RBM25: variants seen among roughly 807,000 people sequenced by gnomAD.
RBM25 encodes the protein RNA binding motif protein 25, also known as RNA-binding protein 25.
In RBM25, 19 loss-of-function variants were observed where a neutral mutation model predicts 120.7. The observed-to-expected ratio is 0.16, with a 90% CI of 0.11 to 0.23. The LOEUF (loss-of-function observed/expected upper bound fraction) is 0.23, where lower values mean the gene tolerates loss of function less well. Among genes scored for constraint, RBM25 ranks in the 10% least tolerant of loss-of-function variants. RBM25 has a pLI of 1.00. For synonymous variants in RBM25, 390 were observed against 326.7 expected (o/e 1.19, Z -2.09); for missense variants, 605 against 1,041.5 (o/e 0.58, Z 5.77).
At chr14:73,081,820 C>A (rs1180166044) in intron 4 of RBM25, among the ~76,000 whole-genome samples, 1 of 152,236 alleles carries the variant, frequency 6.6e-6, no homozygotes, top group Non-Finnish European at 1.5e-5. Flanking sequence ...CCGCATCATT[C>A]TGAATGCTCT....
At chr14:73,087,050 A>G (rs1895702584) in intron 5 of RBM25, among the ~76,000 whole-genome samples, 1 of 9,558 alleles carries the variant, frequency 1.0e-4, no homozygotes, top group Non-Finnish European at 1.7e-4. Context: ...TTTATGGTAT[A>G]TCACACTGAA....
At chr14:73,109,705 A>G (rs1896266593) in intron 14 of RBM25, among the ~76,000 whole-genome samples, 1 of 151,910 alleles carries the variant, frequency 6.6e-6, no homozygotes, top group Admixed American at 6.5e-5. Context: ...AGGCAGGAGA[A>G]TGGCGTGAAC....
intron 10 of RBM25, among the ~76,000 whole-genome samples, chr14:73,104,942 T>TA (rs1896148077): frequency 6.6e-6 from 1 of 151,962 alleles, no homozygotes; most frequent in Non-Finnish European, 1.5e-5. Flanking sequence ...CCATTCCTGA[T>TA]ACAGTCATTG....
chr14:73,103,981 C>G (rs1297172937), intron 10 of RBM25, among the ~76,000 whole-genome samples: 1 of 148,448 alleles, frequency 6.7e-6, no homozygotes, highest in Non-Finnish European at 1.5e-5. Context: ...CACACACACA[C>G]ACACACACAC....
At chr14:73,071,288 C>T (rs1180980499) in intron 1 of RBM25, among the ~76,000 whole-genome samples, 1 of 151,054 alleles carries the variant, frequency 6.6e-6, no homozygotes, top group Admixed American at 6.6e-5. Context: ...CTATTAGATA[C>T]CCATCTGAAT....
chr14:73,115,153 CGTGTGTGTGTGTGTGTGTGT>C (rs33924709), intron 18 of RBM25, among the ~76,000 whole-genome samples: 1 of 146,678 alleles, frequency 6.8e-6, no homozygotes, highest in East Asian at 2.0e-4. Flanking sequence ...GGAACTGATA[CGTGTGTGTGTGTGTGTGTGT>C]GTGTGTGTGT....
chr14:73,093,848 A>T (rs1466411426), intron 6 of RBM25, among the ~76,000 whole-genome samples: 5 of 151,666 alleles, frequency 3.3e-5, no homozygotes, highest in African/African-American at 1.2e-4. Context: ...GAAATCAGAA[A>T]ATCGTGTATA....
intron 14 of RBM25, 98 bp from the exon 15 acceptor site, chr14:73,110,733 C>T: frequency 6.9e-7 from 1 of 1,444,164 alleles, no homozygotes; most frequent in Non-Finnish European, 9.2e-7. Flanking sequence ...CTGGCCTTTT[C>T]TCTTTTCATA....
At chr14:73,083,611 A>G in intron 5 of RBM25, 60 bp downstream of exon 5, 1 of 1,167,300 alleles carries the variant, frequency 8.6e-7, no homozygotes, top group East Asian at 2.7e-5. Context: ...TGCTTAAATC[A>G]CTTTGCATGA....
chr14:73,082,592 T>G (rs1895588627), intron 4 of RBM25, among the ~76,000 whole-genome samples: 1 of 152,212 alleles, frequency 6.6e-6, no homozygotes, highest in Non-Finnish European at 1.5e-5. Context: ...CTCGCTGCTT[T>G]TATTTTTAAA....
chr14:73,082,907 TAA>T (rs34875952), intron 4 of RBM25, among the ~76,000 whole-genome samples: 2 of 137,806 alleles, frequency 1.5e-5, no homozygotes, highest in Non-Finnish European at 1.6e-5. Context: ...TAAAAATAAA[TAA>T]AAAAAAAAAA....
intron 1 of RBM25, among the ~76,000 whole-genome samples, chr14:73,064,135 C>T (rs1258985773): frequency 6.6e-6 from 1 of 151,468 alleles, no homozygotes; most frequent in Non-Finnish European, 1.5e-5. Context: ...TAAACTACTC[C>T]ATAGCTCTCT....
chr14:73,083,343 T>G lies in RBM25; in HGVS notation c.325-151T>G, dbSNP rs191978199. Reference sequence around the variant, plus strand: ...TGTTCATTTCTTTCATGTGATAAGTTTGTGGGAATTGCAAAAATTTTCGCA... The same window carrying G: ...TGTTCATTTCTTTCATGTGATAAGTGTGTGGGAATTGCAAAAATTTTCGCA... On this transcript the variant is annotated intron_variant, in intron 4 of 18. Coordinates refer to ENST00000261973, the MANE Select transcript of RBM25 (RefSeq NM_021239.3). 7.8e-3 allele frequency: 4,277 copies of G among 548,612 alleles called. 79 individuals carry two copies. Among genetic ancestry groups the G allele is most frequent in the South Asian group, 0.052 (2,013 of 38,374 alleles). The allele number at this position is 548,612 out of a possible 1,614,324, so 34.0% of individuals were successfully genotyped here. A position where few individuals can be genotyped will look rare whatever the true frequency, so the allele number is the denominator to read the frequency against.
intron 4 of RBM25, among the ~76,000 whole-genome samples, chr14:73,082,453 G>A (rs1489582888): frequency 4.0e-5 from 6 of 151,860 alleles, no homozygotes; most frequent in Non-Finnish European, 7.4e-5. Context: ...CACCACGCCC[G>A]CCTAATTTTT....
At chr14:73,101,512 GTA>G (rs34658210) in intron 9 of RBM25, 13,055 of 137,054 alleles carry the variant, frequency 0.095, 631 homozygotes, top group East Asian at 0.2. Flanking sequence ...ATACATGTGT[GTA>G]TATATATATA....
In RBM25 at chr14:73,089,072, C is replaced by T. The variant is rs546134879; in HGVS notation, c.543+911C>T. On this transcript the variant is annotated intron_variant, in intron 6 of 18. Transcript: ENST00000261973. ...AGGAGAATCGCTTGAACTGCAGAGGCGGAGGTTGCAGTGAGCTGGGATCTA... is the reference window on the plus strand; with the variant it reads ...AGGAGAATCGCTTGAACTGCAGAGGTGGAGGTTGCAGTGAGCTGGGATCTA... Among the ~76,000 whole-genome samples the T allele has an allele frequency of 3.3e-5, 5 of 152,062 alleles. No individual in the cohort carries two copies. The East Asian group carries it at 5.8e-4, about 18-fold the overall frequency.
At chr14:73,070,073 TTTTC>T (rs1240422282) in intron 1 of RBM25, among the ~76,000 whole-genome samples, 1 of 152,030 alleles carries the variant, frequency 6.6e-6, no homozygotes, top group Non-Finnish European at 1.5e-5. Context: ...GTGTTCTTTT[TTTTC>T]TTTTTCTTTT....
intron 10 of RBM25, among the ~76,000 whole-genome samples, chr14:73,104,804 A>G (rs1425336863): frequency 5.3e-5 from 8 of 152,118 alleles, no homozygotes; most frequent in African/African-American, 1.9e-4. Context: ...AATATACATT[A>G]CTGTGTTGCA....
At chr14:73,116,254 C>T (rs1338617396) in intron 18 of RBM25, among the ~76,000 whole-genome samples, 1 of 151,944 alleles carries the variant, frequency 6.6e-6, no homozygotes, top group African/African-American at 2.4e-5. Context: ...AATAGCGGTC[C>T]AAAGGGCAGA....
Sources: allele counts gnomAD v4.1 joint callset (sites outside exome capture counted in the v4.1 genomes callset), GRCh38; gene constraint gnomAD v4.1.1; transcripts MANE v1.5; gene names NCBI Gene and HGNC (gene_info 2026-07-23, HGNC 2026-07-21).